Variants in CLSPN observed in about 807,000 individuals in gnomAD.
The protein encoded by CLSPN is claspin, also known as claspin homolog.
In CLSPN, 85 loss-of-function variants were observed where a neutral mutation model predicts 156.3. That is an observed-to-expected ratio of 0.54 (90% CI 0.46 to 0.65). The LOEUF (loss-of-function observed/expected upper bound fraction) is 0.65, where lower values mean the gene tolerates loss of function less well. Ranked by LOEUF, CLSPN falls within the 30% of genes least tolerant of loss-of-function variation. CLSPN has a pLI of 0.00. For synonymous variants in CLSPN, 534 were observed against 542.4 expected (o/e 0.98, Z 0.22); for missense variants, 1,407 against 1,554.9 (o/e 0.90, Z 1.60).
At chr1:35,729,330 TTC>T (rs2148608051), downstream of CLSPN, among the ~76,000 whole-genome samples, 1 of 152,216 alleles carries the variant, frequency 6.6e-6, no homozygotes, top group African/African-American at 2.4e-5. Context: ...CGGACTACGG[TTC>T]TCTCTAAAAT....
intron 22 of CLSPN, 156 bp downstream of exon 22, chr1:35,737,836 A>G (rs1446473793): frequency 6.7e-6 from 3 of 444,794 alleles, no homozygotes; most frequent in Non-Finnish European, 1.2e-5. Context: ...AGATCTAAGT[A>G]CACTGTCTCC....
chr1:35,722,930 C>T (rs1225571405), intron 24 of CLSPN, among the ~76,000 whole-genome samples: 1 of 152,222 alleles, frequency 6.6e-6, no homozygotes, highest in Non-Finnish European at 1.5e-5. Flanking sequence ...CACACCCAGC[C>T]TGTAGCCAGT....
In CLSPN at chr1:35,733,933, T is replaced by C. The variant is rs538529146; in HGVS notation, c.*2563A>G. 25 of 866,040 alleles carry C rather than the reference T, an allele frequency of 2.9e-5. No individual in the cohort carries two copies. In the South Asian group the frequency reaches 1.2e-3, roughly 40 times the overall value. The allele number at this position is 866,040 out of a possible 1,614,324, so 53.6% of individuals were successfully genotyped here. On this transcript the variant is annotated 3_prime_UTR_variant, in exon 25 of 25. Transcript: ENST00000318121. ...AGTTCAAGGGTACAGTGAGCTATGA[T>C]TGTGCCACTGCACTCTAACCTGGGC...
downstream of CLSPN, among the ~76,000 whole-genome samples, chr1:35,730,003 G>A (rs2148608285): frequency 6.6e-6 from 1 of 152,268 alleles, no homozygotes. Context: ...ATTCTGTCCT[G>A]CACTAGAAAG....
At chr1:35,747,191 G>A (rs902714869) in intron 14 of CLSPN, among the ~76,000 whole-genome samples, 199 bp from the exon 15 acceptor site, 2 of 152,082 alleles carry the variant, frequency 1.3e-5, no homozygotes, top group African/African-American at 2.4e-5. Context: ...GCGTGGTGGT[G>A]GGCGCCTGTA....
At chr1:35,761,386 T>C (rs1459982550) in intron 6 of CLSPN, among the ~76,000 whole-genome samples, 182 bp from the exon 7 acceptor site, 1 of 152,194 alleles carries the variant, frequency 6.6e-6, no homozygotes, top group Non-Finnish European at 1.5e-5. Context: ...TAAACCTAGA[T>C]GTGAAATCAA....
intron 24 of CLSPN, among the ~76,000 whole-genome samples, chr1:35,722,200 CAGCCTGGAAT>C (rs1161854792): frequency 6.6e-6 from 1 of 150,798 alleles, no homozygotes; most frequent in Admixed American, 6.6e-5. Context: ...GGCAGCACCC[CAGCCTGGAAT>C]AGCTGAGTCA....
At position 35,738,073 on chromosome 1, in the gene CLSPN, C is replaced by A; in HGVS notation, c.3583G>T (p.Glu1195Ter). ...TCCTCCCCAATTTCTTCTTCTTCTT[C>A]AGCTGTAATTTTCCCCTGCTGTGCC... ...DMAQQGKITA[E>*]EEEEIGEDSQ... Residue 1195 changes from glutamate (E) to a stop codon, truncating the protein, a stop_gained, in exon 22 of 25, where the codon GAA becomes TAA. Coordinates refer to ENST00000318121, the MANE Select transcript of CLSPN (RefSeq NM_022111.4). LOFTEE classifies it high-confidence loss of function. 1 of 1,417,464 alleles carries A rather than the reference C, an allele frequency of 7.1e-7. No homozygotes were observed. Among genetic ancestry groups the A allele is most frequent in the South Asian group, 1.8e-5 (1 of 56,254 alleles). 87.8% of individuals were successfully genotyped at this position (1,417,464 alleles called of 1,614,324 possible). A position where few individuals can be genotyped will look rare whatever the true frequency, so the allele number is the denominator to read the frequency against.
chr1:35,763,116 C>A, intron 4 of CLSPN, 44 bp downstream of exon 4: 1 of 1,431,238 alleles, frequency 7.0e-7, no homozygotes, highest in South Asian at 1.6e-5. Flanking sequence ...TAGCAAAGGT[C>A]AGAAGCAGTT....
intron 9 of CLSPN, among the ~76,000 whole-genome samples, chr1:35,752,362 G>A (rs1030473610): frequency 2.0e-5 from 3 of 152,044 alleles, no homozygotes; most frequent in Non-Finnish European, 2.9e-5. Context: ...GGCAGATCAC[G>A]AGGTCAGGAG....
At position 35,734,119 on chromosome 1, in the gene CLSPN, G is replaced by A; in HGVS notation, c.*2377C>T. ...CACTAGGACTGAGAAGCCAGTGAGG[G>A]GACAATTGCAGCAGCTTCTCAGTTT... is the stretch of plus-strand genomic sequence containing the variant. On this transcript the variant is annotated 3_prime_UTR_variant, in exon 25 of 25. Transcript: ENST00000318121. The A allele has an allele frequency of 1.0e-6, 1 of 985,386 alleles. No individual in the cohort carries two copies. Among genetic ancestry groups the A allele is most frequent in the Non-Finnish European group, 1.2e-6 (1 of 829,922 alleles). The allele number at this position is 985,386 out of a possible 1,614,324, so 61.0% of individuals were successfully genotyped here.
chr1:35,760,189 T>TA (rs1207061401), intron 8 of CLSPN, among the ~76,000 whole-genome samples, 153 bp downstream of exon 8: 2 of 152,142 alleles, frequency 1.3e-5, no homozygotes, highest in Non-Finnish European at 2.9e-5. Context: ...CAAATTTCTC[T>TA]AAAAAAGACT....
rs968271927 is a variant in CLSPN at position 35,768,701 on chromosome 1, A to G, written c.24+1146T>C. On this transcript the variant is annotated intron_variant, in intron 1 of 24. Coordinates refer to ENST00000318121, the MANE Select transcript of CLSPN (RefSeq NM_022111.4). ...GAAGTGCTGGGATTGCTGAGAATTAATATGTATGCACTGATGATCCTCTCA... is the reference window on the plus strand; with the variant it reads ...GAAGTGCTGGGATTGCTGAGAATTAGTATGTATGCACTGATGATCCTCTCA... Among the ~76,000 whole-genome samples the G allele has an allele frequency of 2.0e-5, 3 of 152,060 alleles. No individual in the cohort carries two copies. The East Asian group carries it at 5.8e-4, about 29-fold the overall frequency.
At chr1:35,721,012 G>A in intron 24 of CLSPN, 2 of 1,458,102 alleles carry the variant, frequency 1.4e-6, no homozygotes, top group Non-Finnish European at 1.9e-6. Flanking sequence ...ACGAGGCAGG[G>A]AAGAAACAGA....
At chr1:35,730,729 G>A (rs570105260), downstream of CLSPN, among the ~76,000 whole-genome samples, 6 of 152,198 alleles carry the variant, frequency 3.9e-5, no homozygotes, top group South Asian at 1.2e-3. Context: ...CGGGTGTGGT[G>A]GTGCGTGCCT....
rs777818827 is a variant in CLSPN at position 35,763,229 on chromosome 1, A to G, written c.675T>C (p.Ser225=). 3 of 1,609,692 alleles carry G rather than the reference A, an allele frequency of 1.9e-6. No individual in the cohort carries two copies. The highest frequency in any genetic ancestry group is 2.5e-6 in the Non-Finnish European group (3 of 1,178,820). ...FETGLEDENN[S]PLEDEESLES... is the part of the protein sequence containing the mutation. ...CTAATGACTCTTCATCTTCCAATGG[A>G]GAGTTATTTTCATCCTCCAACCCAG... The change falls in exon 4 of 25, where the codon TCT becomes TCC. Residue 225 remains serine (S), a synonymous_variant. Transcript: ENST00000318121.
chr1:35,759,701 A>G (rs1030299347), intron 8 of CLSPN, among the ~76,000 whole-genome samples: 6 of 152,202 alleles, frequency 3.9e-5, no homozygotes, highest in African/African-American at 1.4e-4. Context: ...GTTTTCATCA[A>G]TGTCTTAAGA....
At position 35,735,260 on chromosome 1, in the gene CLSPN, G is replaced by T. The variant is rs1641425854; in HGVS notation, c.*1236C>A. On this transcript the variant is annotated 3_prime_UTR_variant, in exon 25 of 25. Coordinates refer to ENST00000318121, the MANE Select transcript of CLSPN (RefSeq NM_022111.4). ...CAAGCCCCAGAAAATTAGAGGCAGA[G>T]TCTTTCTGACTTGGGTACCAGTTTA... The T allele has an allele frequency of 1.0e-6, 1 of 985,320 alleles. No homozygotes were observed. Among genetic ancestry groups the T allele is most frequent in the Admixed American group, 6.1e-5 (1 of 16,268 alleles). 61.0% of individuals were successfully genotyped at this position (985,320 alleles called of 1,614,324 possible). A position where few individuals can be genotyped will look rare whatever the true frequency, so the allele number is the denominator to read the frequency against.
At chr1:35,749,340 A>G in intron 12 of CLSPN, 127 bp downstream of exon 12, 3 of 852,012 alleles carry the variant, frequency 3.5e-6, no homozygotes, top group East Asian at 5.3e-5. Context: ...AACCCTTTTC[A>G]TAGCTACATA....
Sources: gnomAD v4.1 joint callset for allele counts (sites outside exome capture counted in the v4.1 genomes callset) on GRCh38, gnomAD v4.1.1 for gene constraint, MANE v1.5 for transcripts, NCBI Gene and HGNC (gene_info 2026-07-23, HGNC 2026-07-21) for gene names.